FNIP1: variants seen among roughly 807,000 people sequenced by gnomAD.
The protein encoded by FNIP1 is folliculin interacting protein 1.
A neutral mutation model predicts 124.5 loss-of-function variants in FNIP1; 40 were observed. That is an observed-to-expected ratio of 0.32 (90% CI 0.25 to 0.42). The LOEUF is 0.42. Ranked by LOEUF, FNIP1 falls within the 10% of genes least tolerant of loss-of-function variation. The probability of loss-of-function intolerance (pLI) is 1.00; values close to 1 mark genes in which losing one functional copy is unlikely to be tolerated. For synonymous variants in FNIP1, 472 were observed against 470.6 expected (o/e 1.00, Z -0.04); for missense variants, 1,176 against 1,403.7 (o/e 0.84, Z 2.59).
At chr5:131,664,866 T>TTTTA (rs1767548731) in intron 15 of FNIP1, among the ~76,000 whole-genome samples, 1 of 150,638 alleles carries the variant, frequency 6.6e-6, no homozygotes, top group Non-Finnish European at 1.5e-5. Flanking sequence ...CATGCATATA[T>TTTTA]TTTATATATA....
chr5:131,769,144 A>C (rs896991494), intron 1 of FNIP1, among the ~76,000 whole-genome samples: 6 of 152,204 alleles, frequency 3.9e-5, no homozygotes, highest in Admixed American at 3.9e-4. Flanking sequence ...AAGAAAGAAG[A>C]GCAACAAATG....
chr5:131,738,839 G>A (rs563274305), intron 2 of FNIP1, among the ~76,000 whole-genome samples: 10 of 148,202 alleles, frequency 6.7e-5, no homozygotes, highest in African/African-American at 2.5e-4. Flanking sequence ...CCAGCGGGGA[G>A]AGGGTCTTGC....
intron 16 of FNIP1, among the ~76,000 whole-genome samples, chr5:131,650,275 A>G (rs1488263040): frequency 2.0e-5 from 3 of 152,136 alleles, no homozygotes; most frequent in African/African-American, 7.2e-5. Context: ...TCATTTATAT[A>G]TGTCCTTAAT....
At chr5:131,664,248 A>T (rs1031817317) in intron 15 of FNIP1, among the ~76,000 whole-genome samples, 2 of 152,238 alleles carry the variant, frequency 1.3e-5, no homozygotes, top group African/African-American at 2.4e-5. Flanking sequence ...ATAAAAGATT[A>T]AAAAAGGTTT....
chr5:131,713,568 C>A (rs964183479), intron 6 of FNIP1, among the ~76,000 whole-genome samples: 1 of 140,054 alleles, frequency 7.1e-6, no homozygotes, highest in African/African-American at 2.4e-5. Flanking sequence ...GAATACCCTA[C>A]AATATACCTA....
At chr5:131,786,116 C>A (rs965278669) in intron 1 of FNIP1, among the ~76,000 whole-genome samples, 1 of 152,086 alleles carries the variant, frequency 6.6e-6, no homozygotes, top group Non-Finnish European at 1.5e-5. Context: ...GCTTAAATTG[C>A]TCATTGAATG....
chr5:131,786,810 A>C lies in FNIP1; in HGVS notation c.92+10020T>G, dbSNP rs114605934. Among the ~76,000 whole-genome samples the C allele has an allele frequency of 8.9e-3, 1,355 of 152,312 alleles. 24 individuals carry two copies. Among genetic ancestry groups the C allele is most frequent in the African/African-American group, 0.031 (1,287 of 41,578 alleles). On this transcript the variant is annotated intron_variant, in intron 1 of 17. Transcript: ENST00000510461. ...TTCCACGGGATCACCAGCTGCCAGCACCATGCTCTCAGACTTTTTAGCCTC... is the reference window on the plus strand; with the variant it reads ...TTCCACGGGATCACCAGCTGCCAGCCCCATGCTCTCAGACTTTTTAGCCTC...
rs572853293 is a variant in FNIP1 at position 131,646,468 on chromosome 5, C to G, written c.3422+622G>C. ...ATAAAAGCCAAATTAGATAAAAGTT[C>G]TAGCTTGTTTTGCTTTCTTTAATGG... On this transcript the variant is annotated intron_variant, in intron 17 of 17. Transcript: ENST00000510461. Among the ~76,000 whole-genome samples the G allele has an allele frequency of 3.3e-5, 5 of 152,318 alleles. No individual in the cohort carries two copies. In the East Asian group the frequency reaches 9.6e-4, roughly 29 times the overall value.
In FNIP1 at chr5:131,672,664, T is replaced by A; in HGVS notation, c.1780A>T (p.Ser594Cys). Reference protein sequence around the residue: ...VLVTMHRNKSSLLFKESEEIR... With the variant: ...VLVTMHRNKSCLLFKESEEIR... ...TCTTCTGACTCTTTAAAGAGCAAAC[T>A]GCTTTTGTTTCTATGCATTGTGACA... Residue 594 changes from serine to cysteine, a missense_variant, in exon 14 of 18, where the codon AGT (serine) becomes TGT (cysteine). Coordinates refer to ENST00000510461, the MANE Select transcript of FNIP1 (RefSeq NM_133372.3). The A allele has an allele frequency of 1.2e-6, 2 of 1,614,232 alleles. No individual in the cohort carries two copies. Among genetic ancestry groups the A allele is most frequent in the Non-Finnish European group, 1.7e-6 (2 of 1,180,036 alleles).
At chr5:131,708,686 C>T (rs558642992) in intron 8 of FNIP1, among the ~76,000 whole-genome samples, 3 of 152,034 alleles carry the variant, frequency 2.0e-5, no homozygotes, top group East Asian at 1.9e-4. Context: ...CTCCATACAT[C>T]TGTGTTCCGT....
chr5:131,785,058 TCA>T lies in FNIP1; in HGVS notation c.92+11770_92+11771del, dbSNP rs1491153552. The stretch of plus-strand genomic sequence containing the variant: ...TATATGATATATATGACTATATATA[TCA>T]TATATATGATATATATGACATATAT... On this transcript the variant is annotated intron_variant, in intron 1 of 17. Coordinates refer to ENST00000510461, the MANE Select transcript of FNIP1 (RefSeq NM_133372.3). Among the ~76,000 whole-genome samples, 6 of 12,604 alleles carry T rather than the reference TCA, an allele frequency of 4.8e-4. No homozygotes were observed. In the South Asian group the frequency reaches 0.011, roughly 24 times the overall value. The allele number at this position is 12,604 out of a possible 152,430, so 8.3% of individuals were successfully genotyped here.
At position 131,716,630 on chromosome 5, in the gene FNIP1, T is replaced by C. The variant is rs531431898; in HGVS notation, c.557A>G (p.Asn186Ser). 1.6e-5 allele frequency: 26 copies of C among 1,603,246 alleles called. No individual in the cohort carries two copies. In the Middle Eastern group the frequency reaches 5.0e-4, roughly 31 times the overall value. The change falls in exon 6 of 18, where the codon AAT becomes AGT. Residue 186 changes from asparagine to serine, a missense_variant. Physicochemically the swap from Asn to Ser is conservative, Grantham distance 46. Around this residue, in one of 2 missense-constraint regions of FNIP1, gnomAD observed 1,109 missense variants for 1,288.5 expected, o/e 0.86. Transcript: ENST00000510461. ...AGCCTTTAATGTATTGTTGTCCTGA[T>C]TGATGAATTCAAGACTATCTTGTAG... ...NTLQDSLEFI[N>S]QDNNTLKADN...
chr5:131,730,890 A>G lies in FNIP1; in HGVS notation c.354+14T>C. ...ATAAATGAATGAATAAATAAATGAC[A>G]TCAATGATCTTACCTGGTACTTAAG... On this transcript the variant is annotated intron_variant, in intron 3 of 17. Coordinates refer to ENST00000510461, the MANE Select transcript of FNIP1 (RefSeq NM_133372.3). 10 of 1,582,320 alleles carry G rather than the reference A, an allele frequency of 6.3e-6. No homozygotes were observed. The highest frequency in any genetic ancestry group is 6.9e-6 in the Non-Finnish European group (8 of 1,164,808).
At position 131,779,561 on chromosome 5, in the gene FNIP1, G is replaced by A. The variant is rs575428962; in HGVS notation, c.92+17269C>T. On this transcript the variant is annotated intron_variant, in intron 1 of 17. Coordinates refer to ENST00000510461, the MANE Select transcript of FNIP1 (RefSeq NM_133372.3). ...AAATTAGCCAGGCATGGCGGCGTGC[G>A]CCTGTAGTCCCAGCTACTCAGGAGG... 2.2e-4 allele frequency among the ~76,000 whole-genome samples: 33 copies of A among 151,428 alleles called. 1 individual carries two copies. Among genetic ancestry groups the A allele is most frequent in the Admixed American group, 2.0e-3 (30 of 15,194 alleles).
Position 131,677,783 on chromosome 5 carries a change from A to G in FNIP1, c.1439T>C (p.Ile480Thr). The part of the protein sequence containing the change: ...VMPNGQPPIK[I>T]FLEKHSSQSV... ...CTGAGAGGAATGCTTTTCTAAAAATATTTTTATAGGTGGTTGTCCATTTGG... is the reference window on the plus strand; with the variant it reads ...CTGAGAGGAATGCTTTTCTAAAAATGTTTTTATAGGTGGTTGTCCATTTGG... Residue 480 changes from isoleucine to threonine, a missense_variant, in exon 13 of 18, where the codon ATA becomes ACA. By Grantham distance (89) the Ile-to-Thr change is moderately conservative. Around this residue, in one of 2 missense-constraint regions of FNIP1, gnomAD observed 1,109 missense variants for 1,288.5 expected, o/e 0.86. Transcript: ENST00000510461. The G allele has an allele frequency of 6.2e-7, 1 of 1,614,122 alleles. No homozygotes were observed. The highest frequency in any genetic ancestry group is 8.5e-7 in the Non-Finnish European group (1 of 1,180,010).
At chr5:131,683,590 A>G (rs1768165047) in intron 11 of FNIP1, among the ~76,000 whole-genome samples, 1 of 150,580 alleles carries the variant, frequency 6.6e-6, no homozygotes, top group African/African-American at 2.4e-5. Context: ...TAGAGTACTT[A>G]TAATACCAAA....
rs572966655 is a variant in FNIP1, at chr5:131,727,070, A to C, written c.354+3834T>G. Among the ~76,000 whole-genome samples the C allele has an allele frequency of 2.0e-5, 3 of 152,272 alleles. No individual in the cohort carries two copies. The East Asian group carries it at 5.8e-4, about 29-fold the overall frequency. On this transcript the variant is annotated intron_variant, in intron 3 of 17. Coordinates refer to ENST00000510461, the MANE Select transcript of FNIP1 (RefSeq NM_133372.3). ...GCTGAGGAGTGTTTTACTTCCAATT[A>C]TGTGGTCAATTTTAGAATAAGTGTG...
At chr5:131,697,173 G>C (rs1768725052) in intron 11 of FNIP1, among the ~76,000 whole-genome samples, 1 of 152,068 alleles carries the variant, frequency 6.6e-6, no homozygotes. Flanking sequence ...CCCAGTAAGA[G>C]ACCACACAGT....
intron 8 of FNIP1, among the ~76,000 whole-genome samples, chr5:131,708,036 G>C (rs888745154): frequency 3.9e-5 from 6 of 152,088 alleles, no homozygotes; most frequent in African/African-American, 1.4e-4. Flanking sequence ...AGAAAGATGA[G>C]ATTACTTGAA....
Sources: gnomAD v4.1 joint callset for allele counts (sites outside exome capture counted in the v4.1 genomes callset) on GRCh38, gnomAD v4.1.1 for gene constraint, gnomAD v4.1.1 regional missense constraint, MANE v1.5 for transcripts, NCBI Gene and HGNC (gene_info 2026-07-23, HGNC 2026-07-21) for gene names.